The following C16orf89 variants were observed in gnomAD, a reference collection of about 807,000 sequenced individuals.
C16orf89 encodes the protein chromosome 16 open reading frame 89, also known as UPF0764 protein C16orf89.
Under a neutral mutation model 41.5 loss-of-function variants are expected in C16orf89, and 57 were observed. That is an observed-to-expected ratio of 1.38 (90% CI 1.11 to 1.71). C16orf89 has a LOEUF of 1.71. Ranked by LOEUF, C16orf89 falls within the 40% of genes most tolerant of loss-of-function variation. The probability of loss-of-function intolerance (pLI) is 0.00; values close to 1 mark genes in which losing one functional copy is unlikely to be tolerated. For missense variants in C16orf89, 575 were observed against 445.9 expected, an observed-to-expected ratio of 1.29 and a Z score of -2.61; for synonymous variants, 223 against 190.6, an observed-to-expected ratio of 1.17 and a Z score of -1.40.
In C16orf89 at chr16:5,058,700, C is replaced by T. The variant is rs1956559314; in HGVS notation, c.510-90G>A. 5.0e-6 allele frequency: 5 copies of T among 996,262 alleles called. No individual in the cohort carries two copies. In the Admixed American group the frequency reaches 1.3e-4, roughly 26 times the overall value. 61.7% of individuals were successfully genotyped at this position (996,262 alleles called of 1,614,324 possible). A position where few individuals can be genotyped will look rare whatever the true frequency, so the allele number is the denominator to read the frequency against. On this transcript the variant is annotated intron_variant, in intron 3 of 7. Transcript: ENST00000472572. The stretch of plus-strand genomic sequence containing the variant: ...CCCCTAGTTGTAGTTGTTGGAACTC[C>T]CAGTAGATTCCAGACACCCAGCTGG...
downstream of C16orf89, chr16:5,043,985 C>T (rs1397859835): frequency 2.9e-6 from 1 of 350,560 alleles, no homozygotes; most frequent in Non-Finnish European, 4.0e-6. Context: ...CAGAGCAGGA[C>T]CTCATCTATT....
Position 5,062,492 on chromosome 16 carries a change from C to T in C16orf89, c.291G>A (p.Glu97=), listed in dbSNP as rs765540239. Residue 97 remains glutamate (E), a synonymous_variant, in exon 2 of 8, where the codon GAG becomes GAA. Coordinates refer to ENST00000472572, the MANE Select transcript of C16orf89 (RefSeq NM_001098514.3). The part of the protein sequence containing the change: ...PLSLRVGMLG[E]KLEAAIQRSL... ...ATCTCTGGATGGCAGCCTCCAGCTT[C>T]TCCCCCAGCATCCCCACGCGCAGGC... is the stretch of plus-strand genomic sequence containing the variant. 2 of 1,613,984 alleles carry T rather than the reference C, an allele frequency of 1.2e-6. No homozygotes were observed. The highest frequency in any genetic ancestry group is 1.7e-6 in the Non-Finnish European group (2 of 1,179,972).
intron 7 of C16orf89, among the ~76,000 whole-genome samples, chr16:5,047,045 C>T (rs924644011): frequency 1.3e-5 from 2 of 152,164 alleles, no homozygotes; most frequent in African/African-American, 4.8e-5. Context: ...CACACAGACC[C>T]CTCCAAACTA....
At position 5,044,476 on chromosome 16, in the gene C16orf89, C is replaced by T; in HGVS notation, c.958G>A (p.Gly320Ser). Residue 320 changes from glycine (G) to serine (S), a missense_variant and splice_region_variant, in exon 8 of 8, where the codon GGC (glycine) becomes AGC (serine). Coordinates refer to ENST00000472572, the MANE Select transcript of C16orf89 (RefSeq NM_001098514.3). ...VKRREKQFPD[G>S]CSSHNTATAV... Reference sequence around the variant, plus strand: ...GTGGCTGTGTTGTGGGAGGAGCAGCCATCTAGGGGAGAGAGCCCCCATGAG... The same window carrying T: ...GTGGCTGTGTTGTGGGAGGAGCAGCTATCTAGGGGAGAGAGCCCCCATGAG... 6.2e-7 allele frequency: 1 copy of T among 1,612,084 alleles called. No individual in the cohort carries two copies. Among genetic ancestry groups the T allele is most frequent in the Non-Finnish European group, 8.5e-7 (1 of 1,179,246 alleles).
intron 6 of C16orf89, among the ~76,000 whole-genome samples, chr16:5,050,246 T>C (rs1239028542): frequency 6.6e-6 from 1 of 152,058 alleles, no homozygotes; most frequent in Non-Finnish European, 1.5e-5. Flanking sequence ...CGGGCGCCTG[T>C]AATTCCAGCT....
chr16:5,062,740 C>A (rs1350739292), intron 1 of C16orf89, among the ~76,000 whole-genome samples, 166 bp from the exon 2 acceptor site: 1 of 152,040 alleles, frequency 6.6e-6, no homozygotes, highest in Non-Finnish European at 1.5e-5. Flanking sequence ...GAAATGAGGC[C>A]AGGATGGGGG....
At position 5,060,444 on chromosome 16, in the gene C16orf89, A is replaced by C; in HGVS notation, c.359-8T>G. The C allele has an allele frequency of 6.2e-7, 1 of 1,610,246 alleles. No homozygotes were observed. The highest frequency in any genetic ancestry group is 2.3e-5 in the East Asian group (1 of 44,436). On this transcript the variant is annotated splice_polypyrimidine_tract_variant and splice_region_variant and intron_variant, in intron 2 of 7. Coordinates refer to ENST00000472572, the MANE Select transcript of C16orf89 (RefSeq NM_001098514.3). ...GGAGGGTCAGCTGGAACTCTGGCAG[A>C]GAGGACAGATAGATGGGGTGGGGTG...
intron 6 of C16orf89, among the ~76,000 whole-genome samples, chr16:5,050,422 A>G (rs909760131): frequency 6.6e-5 from 10 of 152,136 alleles, no homozygotes; most frequent in Admixed American, 1.3e-4. Context: ...CACATACGAC[A>G]TACTGAAATT....
intron 1 of C16orf89, among the ~76,000 whole-genome samples, chr16:5,063,165 G>A (rs767398284): frequency 3.3e-5 from 5 of 152,148 alleles, no homozygotes; most frequent in African/African-American, 4.8e-5. Context: ...GAGAACATCC[G>A]AGTGAGAGCA....
At chr16:5,062,723 C>G (rs544160497) in intron 1 of C16orf89, 149 bp from the exon 2 acceptor site, 38 of 922,508 alleles carry the variant, frequency 4.1e-5, no homozygotes, top group Non-Finnish European at 5.8e-5. Flanking sequence ...ATTTACTGAG[C>G]TGACTGGAAA....
chr16:5,053,701 A>G (rs892721940), intron 6 of C16orf89, among the ~76,000 whole-genome samples: 1 of 151,944 alleles, frequency 6.6e-6, no homozygotes, highest in Non-Finnish European at 1.5e-5. Flanking sequence ...GCGCCACCAC[A>G]CCCGGCTAAT....
chr16:5,047,087 G>A (rs1051107588), intron 7 of C16orf89, among the ~76,000 whole-genome samples: 7 of 152,044 alleles, frequency 4.6e-5, no homozygotes, highest in Non-Finnish European at 7.3e-5. Flanking sequence ...TACTGGTTTC[G>A]ACCAACAGGA....
chr16:5,057,221 A>G lies in C16orf89; in HGVS notation c.628-1033T>C, dbSNP rs542070529. On this transcript the variant is annotated intron_variant, in intron 4 of 7. Coordinates refer to ENST00000472572, the MANE Select transcript of C16orf89 (RefSeq NM_001098514.3). ...CACTGCACTCCAGCCTGGGCAACAG[A>G]GTGAGACTCCATCTCAAAAAAAAAA... Among the ~76,000 whole-genome samples the G allele has an allele frequency of 1.4e-3, 209 of 148,890 alleles. 6 individuals are homozygous for G. The East Asian group carries it at 0.03, about 22-fold the overall frequency.
Position 5,058,613 on chromosome 16 carries a change from G to C in C16orf89, c.510-3C>G. On this transcript the variant is annotated splice_region_variant and splice_polypyrimidine_tract_variant and intron_variant, in intron 3 of 7. Transcript: ENST00000472572. ...CGCAGGGCTCGCTGCTGTCCGTCCT[G>C]GGGGAAAGTGGTTCCAAGCTGTTAA... 2 of 1,604,416 alleles carry C rather than the reference G, an allele frequency of 1.2e-6. No homozygotes were observed. The highest frequency in any genetic ancestry group is 1.7e-6 in the Non-Finnish European group (2 of 1,173,452).
At chr16:5,049,685 T>TATGGG (rs1956362777) in intron 6 of C16orf89, among the ~76,000 whole-genome samples, 1 of 152,148 alleles carries the variant, frequency 6.6e-6, no homozygotes. Context: ...TGCCAAAACC[T>TATGGG]ATGGGATATA....
At chr16:5,065,497 T>C (rs996669343) in intron 1 of C16orf89, among the ~76,000 whole-genome samples, 3 of 152,204 alleles carry the variant, frequency 2.0e-5, no homozygotes, top group Non-Finnish European at 4.4e-5. Context: ...TTTAAATCTT[T>C]CCTACTTCTA....
intron 6 of C16orf89, among the ~76,000 whole-genome samples, chr16:5,053,692 C>G (rs1048746717): frequency 1.3e-5 from 2 of 151,942 alleles, no homozygotes; most frequent in Admixed American, 6.6e-5. Flanking sequence ...CATAGGTGTG[C>G]GCCACCACAC....
intron 5 of C16orf89, 114 bp downstream of exon 5, chr16:5,055,938 CG>C: frequency 1.1e-6 from 1 of 906,218 alleles, no homozygotes; most frequent in Non-Finnish European, 1.5e-6. Flanking sequence ...CTGGCAACTC[CG>C]TGTGTGTGTG....
At chr16:5,054,517 C>A (rs1408177659) in intron 6 of C16orf89, among the ~76,000 whole-genome samples, 1 of 152,134 alleles carries the variant, frequency 6.6e-6, no homozygotes, top group East Asian at 1.9e-4. Context: ...TATTTCACTT[C>A]TTGGTTTGTT....
Sources: gnomAD v4.1 joint callset for allele counts (sites outside exome capture counted in the v4.1 genomes callset) on GRCh38, gnomAD v4.1.1 for gene constraint, MANE v1.5 for transcripts, NCBI Gene and HGNC (gene_info 2026-07-23, HGNC 2026-07-21) for gene names.